The following PCDH11X variants were observed in gnomAD, a reference collection of about 807,000 sequenced individuals.
PCDH11X encodes the protein protocadherin 11 X-linked.
PCDH11X carries 18 observed loss-of-function variants against 53.3 expected under a neutral mutation model. That is an observed-to-expected ratio of 0.34 (90% confidence interval 0.23 to 0.50). The LOEUF (loss-of-function observed/expected upper bound fraction) is 0.50. Ranked by LOEUF, PCDH11X falls within the 20% of genes least tolerant of loss-of-function variation. The pLI is 0.98. For synonymous variants in PCDH11X, 279 were observed against 393.3 expected (o/e 0.71, Z 3.44); for missense variants, 570 against 1,032.4 (o/e 0.55, Z 6.14).
chrX:92,058,175 C>T (rs2063477678), intron 6 of PCDH11X, among the ~76,000 whole-genome samples: 4 of 107,354 alleles, frequency 3.7e-5, no homozygotes, highest in African/African-American at 1.0e-4. Flanking sequence ...ATTAGTGCAA[C>T]TAATACCTAA....
chrX:92,181,946 G>A (rs1400663715), intron 6 of PCDH11X, among the ~76,000 whole-genome samples: 2 of 112,394 alleles, frequency 1.8e-5, no homozygotes, highest in South Asian at 7.3e-4. Context: ...ACCCACTGGG[G>A]TGTTGCCTAG....
At chrX:92,013,551 C>T (rs2062731046) in intron 6 of PCDH11X, among the ~76,000 whole-genome samples, 2 of 111,467 alleles carry the variant, frequency 1.8e-5, no homozygotes, top group African/African-American at 6.5e-5. Context: ...TCATTTGGAA[C>T]CAAAAAAGAG....
intron 8 of PCDH11X, among the ~76,000 whole-genome samples, chrX:92,277,627 C>T (rs780072949): frequency 1.2e-4 from 12 of 101,250 alleles, no homozygotes; most frequent in Admixed American, 2.2e-4. Context: ...GATAAGAGGT[C>T]GGGGCATGGA....
intron 6 of PCDH11X, among the ~76,000 whole-genome samples, chrX:92,134,770 T>C (rs978534110): frequency 8.9e-6 from 1 of 111,751 alleles, no homozygotes; most frequent in African/African-American, 3.3e-5. Context: ...CACGTATTTG[T>C]TAACTGTCAT....
intron 1 of PCDH11X, among the ~76,000 whole-genome samples, chrX:91,805,235 A>T (rs1347599649): frequency 9.3e-6 from 1 of 107,730 alleles, no homozygotes; most frequent in Non-Finnish European, 2.0e-5. Flanking sequence ...TACAAAAAAC[A>T]TACAAGTTTC....
At chrX:92,205,010 G>C (rs1057509100) in intron 7 of PCDH11X, among the ~76,000 whole-genome samples, 1 of 111,627 alleles carries the variant, frequency 9.0e-6, no homozygotes, top group Admixed American at 9.6e-5. Flanking sequence ...TCCCACCCTT[G>C]ACACATGGGG....
At chrX:92,538,132 C>T in intron 10 of PCDH11X, among the ~76,000 whole-genome samples, 1 of 108,084 alleles carries the variant, frequency 9.3e-6, no homozygotes, top group East Asian at 2.9e-4. Context: ...TTCTTTGTCT[C>T]TTCTTATAGT....
chrX:92,599,973 A>G (rs1406066725), intron 10 of PCDH11X, among the ~76,000 whole-genome samples: 1 of 110,189 alleles, frequency 9.1e-6, no homozygotes, highest in Non-Finnish European at 1.9e-5. Flanking sequence ...TGAACATGAG[A>G]GAGATGATTT....
At chrX:92,430,125 A>G (rs4304500) in intron 9 of PCDH11X, among the ~76,000 whole-genome samples, 4 of 89,965 alleles carry the variant, frequency 4.4e-5, no homozygotes, top group East Asian at 2.9e-4. Context: ...GAACTTCAGG[A>G]CTTCTTGTAA....
rs537597842 is a variant in PCDH11X, at chrX:91,870,476, C to G, written c.541-6305C>G. ...CTACTCTTTTGTCAAAAGGGAAAAA[C>G]AAAGACTGTTCTTAATTTTGAAATC... On this transcript the variant is annotated intron_variant, in intron 5 of 10. Coordinates refer to ENST00000682573, the MANE Select transcript of PCDH11X (RefSeq NM_032968.5). Among the ~76,000 whole-genome samples the G allele has an allele frequency of 1.3e-3, 139 of 109,583 alleles. 3 individuals carry two copies. The South Asian group carries it at 0.053, about 42-fold the overall frequency.
intron 6 of PCDH11X, among the ~76,000 whole-genome samples, chrX:92,123,374 C>G (rs2064806283): frequency 1.8e-5 from 2 of 111,230 alleles, no homozygotes; most frequent in African/African-American, 6.6e-5. Context: ...ACCTACTCGA[C>G]CTGTAAGTGT....
At chrX:91,826,109 A>G in intron 4 of PCDH11X, among the ~76,000 whole-genome samples, 1 of 111,676 alleles carries the variant, frequency 9.0e-6, no homozygotes, top group Non-Finnish European at 1.9e-5. Context: ...TAAATGGTTA[A>G]TATTACATTT....
intron 10 of PCDH11X, among the ~76,000 whole-genome samples, chrX:92,614,967 C>T: frequency 8.9e-6 from 1 of 111,761 alleles, no homozygotes; most frequent in Non-Finnish European, 1.9e-5. Context: ...GTTGCTGAAC[C>T]AGGTGAGTGG....
chrX:92,038,413 A>G (rs1361556025), intron 6 of PCDH11X, among the ~76,000 whole-genome samples: 1 of 110,545 alleles, frequency 9.0e-6, no homozygotes, highest in Admixed American at 9.7e-5. Context: ...AACTCAGGCC[A>G]TGGCTTCAGA....
chrX:92,244,201 T>C (rs964445531), intron 7 of PCDH11X, among the ~76,000 whole-genome samples: 5 of 109,919 alleles, frequency 4.5e-5, no homozygotes, highest in Non-Finnish European at 9.5e-5. Context: ...TGGAGATTTA[T>C]ACATGTTTAA....
intron 6 of PCDH11X, among the ~76,000 whole-genome samples, chrX:91,975,506 A>G (rs1271258141): frequency 3.6e-5 from 4 of 111,046 alleles, no homozygotes; most frequent in Non-Finnish European, 7.5e-5. Context: ...TTGACAGCAT[A>G]TGGTTGTTAT....
chrX:92,370,223 T>G (rs971950055), intron 8 of PCDH11X, among the ~76,000 whole-genome samples: 1 of 110,667 alleles, frequency 9.0e-6, no homozygotes, highest in Non-Finnish European at 1.9e-5. Context: ...AATTATCAAG[T>G]TTTTTCTACT....
In PCDH11X at chrX:92,412,509, GTATATATATATATATATA is replaced by G. The variant is rs748836273; in HGVS notation, c.3343+24605_3343+24622del. The stretch of plus-strand genomic sequence containing the variant: ...TTTGATGATCAAAATAAAGAAAATA[GTATATATATATATATATA>G]TATATATATATATATATATATATAT... On this transcript the variant is annotated intron_variant, in intron 9 of 10. Transcript: ENST00000682573. Among the ~76,000 whole-genome samples the G allele has an allele frequency of 3.0e-3, 195 of 64,432 alleles. 1 individual carries two copies. Among genetic ancestry groups the G allele is most frequent in the African/African-American group, 8.6e-3 (162 of 18,829 alleles). 56.0% of individuals were successfully genotyped at this position (64,432 alleles called of 115,157 possible).
chrX:91,984,911 G>A (rs1209644937), intron 6 of PCDH11X, among the ~76,000 whole-genome samples: 3 of 111,147 alleles, frequency 2.7e-5, no homozygotes, highest in African/African-American at 9.8e-5. Context: ...CCTTAGCCTT[G>A]TGCCTTGTGC....
Sources: allele counts gnomAD v4.1 joint callset (sites outside exome capture counted in the v4.1 genomes callset), GRCh38; gene constraint gnomAD v4.1.1; transcripts MANE v1.5; gene names NCBI Gene and HGNC (gene_info 2026-07-23, HGNC 2026-07-21).